The following RNF150 variants were observed in gnomAD, a reference collection of about 807,000 sequenced individuals.
The protein encoded by RNF150 is ring finger protein 150.
In RNF150, 24 loss-of-function variants were observed where a neutral mutation model predicts 39.3. That is an observed-to-expected ratio of 0.61 (90% CI 0.44 to 0.86). RNF150 has a LOEUF of 0.86. RNF150 is among the 40% of genes least tolerant of loss of function. RNF150 has a pLI of 0.00. For synonymous variants in RNF150, 255 were observed against 227.3 expected, an observed-to-expected ratio of 1.12 and a Z score of -1.10; for missense variants, 502 against 587.8, an observed-to-expected ratio of 0.85 and a Z score of 1.51.
At chr4:141,045,742 C>T (rs1236070445) in intron 1 of RNF150, among the ~76,000 whole-genome samples, 1 of 151,982 alleles carries the variant, frequency 6.6e-6, no homozygotes, top group African/African-American at 2.4e-5. Flanking sequence ...CGGGGTTTCA[C>T]CATGTTGGCC....
intron 1 of RNF150, among the ~76,000 whole-genome samples, chr4:141,166,397 T>C (rs990966613): frequency 6.6e-6 from 1 of 152,182 alleles, no homozygotes; most frequent in Admixed American, 6.6e-5. Context: ...ATCATTCTTT[T>C]GGAAACTATT....
intron 1 of RNF150, among the ~76,000 whole-genome samples, chr4:141,150,319 A>G (rs755705602): frequency 3.9e-5 from 6 of 151,962 alleles, no homozygotes; most frequent in Admixed American, 2.6e-4. Context: ...GCTCTCTTTG[A>G]CTCCTTGCCT....
intron 1 of RNF150, among the ~76,000 whole-genome samples, chr4:141,113,069 C>T (rs1322623171): frequency 1.3e-5 from 2 of 151,914 alleles, no homozygotes; most frequent in East Asian, 3.9e-4. Context: ...TATTTTTCAG[C>T]TTCATCAAGT....
intron 4 of RNF150, among the ~76,000 whole-genome samples, chr4:140,943,503 G>A (rs952603206): frequency 2.0e-5 from 3 of 152,170 alleles, no homozygotes; most frequent in Admixed American, 6.5e-5. Flanking sequence ...TAGAAGACAT[G>A]AAAACATTAC....
At chr4:141,078,309 C>T (rs1201440490) in intron 1 of RNF150, among the ~76,000 whole-genome samples, 2 of 152,034 alleles carry the variant, frequency 1.3e-5, no homozygotes, top group Non-Finnish European at 2.9e-5. Flanking sequence ...TCTCTCTTCC[C>T]CTCTTCTTAA....
At chr4:140,905,889 G>C (rs900647262) in intron 6 of RNF150, among the ~76,000 whole-genome samples, 77 of 152,080 alleles carry the variant, frequency 5.1e-4, no homozygotes, top group African/African-American at 1.7e-3. Context: ...AGGTGAATGG[G>C]GTTAATGTGG....
At chr4:141,112,512 T>G (rs925878751) in intron 1 of RNF150, among the ~76,000 whole-genome samples, 1 of 152,232 alleles carries the variant, frequency 6.6e-6, no homozygotes, top group Admixed American at 6.5e-5. Context: ...TAAGAAATTC[T>G]GGGTTGAAAA....
At chr4:141,149,403 A>G (rs1727259425) in intron 1 of RNF150, among the ~76,000 whole-genome samples, 1 of 152,092 alleles carries the variant, frequency 6.6e-6, no homozygotes, top group Non-Finnish European at 1.5e-5. Flanking sequence ...CTCTTTCCCC[A>G]GAGTCCCCAA....
intron 1 of RNF150, among the ~76,000 whole-genome samples, chr4:141,082,651 G>A (rs1406841262): frequency 1.3e-5 from 2 of 150,788 alleles, no homozygotes; most frequent in African/African-American, 2.4e-5. Context: ...TGCAGTGGCG[G>A]GATCTCGGCT....
chr4:141,057,892 T>G lies in RNF150; in HGVS notation c.484+74433A>C, dbSNP rs183983889. ...ACATAAAGACTAAACTTCACTATGT[T>G]GGACATAATAACTCAAAGAGGTTTT... On this transcript the variant is annotated intron_variant, in intron 1 of 6. Transcript: ENST00000515673. 1.8e-4 allele frequency among the ~76,000 whole-genome samples: 27 copies of G among 152,108 alleles called. 1 individual carries two copies. The highest frequency in any genetic ancestry group is 6.5e-4 in the African/African-American group (27 of 41,418).
rs1734127464 is a variant in RNF150, at chr4:140,989,621, A to G, written c.485-21748T>C. 6.6e-5 allele frequency among the ~76,000 whole-genome samples: 10 copies of G among 152,338 alleles called. No homozygotes were observed. The South Asian group carries it at 2.1e-3, about 32-fold the overall frequency. ...GTCATTTTGCAGAAACTAAGCTTCC[A>G]GAAAGAGGCAAAATCATTTAAATAT... On this transcript the variant is annotated intron_variant, in intron 1 of 6. Transcript: ENST00000515673.
chr4:141,041,068 C>A (rs1448256195), intron 1 of RNF150, among the ~76,000 whole-genome samples: 1 of 151,960 alleles, frequency 6.6e-6, no homozygotes, highest in African/African-American at 2.4e-5. Flanking sequence ...TAAATGTTGA[C>A]TATTACTATA....
At chr4:140,927,042 C>G (rs1731425691) in intron 4 of RNF150, among the ~76,000 whole-genome samples, 2 of 152,214 alleles carry the variant, frequency 1.3e-5, no homozygotes. Flanking sequence ...CTTGCACCTC[C>G]TTTTGTTCTA....
At chr4:141,115,451 C>T (rs1399316089) in intron 1 of RNF150, among the ~76,000 whole-genome samples, 1 of 152,138 alleles carries the variant, frequency 6.6e-6, no homozygotes, top group Non-Finnish European at 1.5e-5. Flanking sequence ...TGAAGGACCT[C>T]TTCAAGGAGA....
chr4:140,878,091 T>C (rs536401097), intron 6 of RNF150, among the ~76,000 whole-genome samples: 3 of 152,026 alleles, frequency 2.0e-5, no homozygotes, highest in Non-Finnish European at 2.9e-5. Context: ...TACTATTTTG[T>C]GTTTATTTTT....
chr4:141,041,106 T>C (rs6537028), intron 1 of RNF150, among the ~76,000 whole-genome samples: 87,421 of 151,894 alleles, frequency 0.58, 26,043 homozygotes, highest in Non-Finnish European at 0.67. Context: ...AAATTAAGTC[T>C]CTACTAGGTA....
intron 1 of RNF150, among the ~76,000 whole-genome samples, chr4:141,167,253 T>C (rs1560766109): frequency 6.6e-6 from 1 of 152,002 alleles, no homozygotes. Context: ...GTGAAAGACC[T>C]CTTCAAGGAA....
intron 1 of RNF150, among the ~76,000 whole-genome samples, chr4:141,188,412 A>C (rs913217241): frequency 3.3e-5 from 5 of 152,106 alleles, no homozygotes; most frequent in Non-Finnish European, 7.4e-5. Context: ...AGTTTGGGGA[A>C]GTTCTCCTGG....
At chr4:140,950,962 G>A (rs536286390) in intron 2 of RNF150, among the ~76,000 whole-genome samples, 6 of 152,184 alleles carry the variant, frequency 3.9e-5, no homozygotes, top group Non-Finnish European at 8.8e-5. Flanking sequence ...AAAATAGGAA[G>A]AGTCTTTAGT....
Sources: gnomAD v4.1 joint callset for allele counts (sites outside exome capture counted in the v4.1 genomes callset) on GRCh38, gnomAD v4.1.1 for gene constraint, MANE v1.5 for transcripts, NCBI Gene and HGNC (gene_info 2026-07-23, HGNC 2026-07-21) for gene names.